The following FAM13C variants were observed in gnomAD, a reference collection of about 807,000 sequenced individuals.
FAM13C encodes protein FAM13C.
A neutral mutation model predicts 73.2 loss-of-function variants in FAM13C; 37 were observed. That is an observed-to-expected ratio of 0.51 (90% confidence interval 0.39 to 0.67). The LOEUF (loss-of-function observed/expected upper bound fraction) is 0.67, where lower values mean the gene tolerates loss of function less well. Ranked by LOEUF, FAM13C falls within the 30% of genes least tolerant of loss-of-function variation. The pLI is 0.00. For missense variants in FAM13C, 589 were observed against 715.6 expected (o/e 0.82, Z 2.02); for synonymous variants, 246 against 260.9 (o/e 0.94, Z 0.55).
rs200842377 is a variant in FAM13C, at chr10:59,352,343, A to T, written c.251T>A (p.Met84Lys). The T allele has an allele frequency of 6.8e-6, 11 of 1,614,228 alleles. No individual in the cohort carries two copies. In the South Asian group the frequency reaches 1.2e-4, roughly 18 times the overall value. The change falls in exon 3 of 14, where the codon ATG (methionine) becomes AAG (lysine). Residue 84 changes from methionine to lysine, a missense_variant. Met to Lys is a moderately conservative substitution (Grantham distance 95). Transcript: ENST00000618804. ...VLVDSVLRPSMGNFKSRKPKS... is the reference protein window; with the variant it reads ...VLVDSVLRPSKGNFKSRKPKS... ...GGGCTTCCTGGACTTGAAGTTGCCC[A>T]TGCTGGGTCGCAATACGCTGTCCAC...
chr10:59,317,938 C>T (rs530861194), intron 4 of FAM13C, among the ~76,000 whole-genome samples: 2 of 150,906 alleles, frequency 1.3e-5, no homozygotes, highest in South Asian at 4.2e-4. Context: ...TGTTCCCCTT[C>T]CTGTGTCCAT....
rs149936364 is a variant in FAM13C at position 59,323,990 on chromosome 10, T to G, written c.441A>C (p.Pro147=). ...FKCQETVRLQ[P]RIDQRTAISP... ...GCTTCTGATAACAAAGGGCCCACCTTGGTTGAAGTCGCACTGTTTCTTGGC... is the reference window on the plus strand; with the variant it reads ...GCTTCTGATAACAAAGGGCCCACCTGGGTTGAAGTCGCACTGTTTCTTGGC... Residue 147 remains proline, a splice_region_variant and synonymous_variant, in exon 4 of 14, where the codon CCA becomes CCC. Coordinates refer to ENST00000618804, the MANE Select transcript of FAM13C (RefSeq NM_198215.4). 5,771 of 1,613,372 alleles carry G rather than the reference T, an allele frequency of 3.6e-3. 24 individuals are homozygous for G. The highest frequency in any genetic ancestry group is 0.011 in the Middle Eastern group (68 of 6,060).
Position 59,354,067 on chromosome 10 carries a change from C to T in FAM13C, c.120-1593G>A, listed in dbSNP as rs564971509. ...GAGAAACAAAAGAAAGAACAGCTGC[C>T]TTTACAGTTACCTAAATGCCCTCAT... On this transcript the variant is annotated intron_variant, in intron 2 of 13. Transcript: ENST00000618804. 3.9e-5 allele frequency among the ~76,000 whole-genome samples: 6 copies of T among 152,270 alleles called. No homozygotes were observed. The East Asian group carries it at 1.2e-3, about 29-fold the overall frequency.
At position 59,262,497 on chromosome 10, in the gene FAM13C, T is replaced by A. The variant is rs745550781; in HGVS notation, c.1173A>T (p.Pro391=). Residue 391 remains proline (P), a synonymous_variant, in exon 10 of 14, where the codon CCA becomes CCT. Coordinates refer to ENST00000618804, the MANE Select transcript of FAM13C (RefSeq NM_198215.4). ...CCTTCAGGCATGTCAAGGCAGCATCTGGAGTCTCTTCTCCAGAGGAGCTTG... is the reference window on the plus strand; with the variant it reads ...CCTTCAGGCATGTCAAGGCAGCATCAGGAGTCTCTTCTCCAGAGGAGCTTG... ...PEPSSSGEET[P]DAALTCLKER... The A allele has an allele frequency of 1.2e-6, 2 of 1,613,772 alleles. No homozygotes were observed. Among genetic ancestry groups the A allele is most frequent in the African/African-American group, 2.7e-5 (2 of 75,008 alleles).
At chr10:59,275,208 T>C (rs1844192500) in intron 6 of FAM13C, among the ~76,000 whole-genome samples, 1 of 152,184 alleles carries the variant, frequency 6.6e-6, no homozygotes, top group African/African-American at 2.4e-5. Flanking sequence ...GGGCGGTACC[T>C]TTACTAGTCT....
chr10:59,290,822 G>T (rs562415927), intron 5 of FAM13C, among the ~76,000 whole-genome samples: 1 of 152,214 alleles, frequency 6.6e-6, no homozygotes, highest in African/African-American at 2.4e-5. Flanking sequence ...GGCTGCCATT[G>T]TATCTGAGTT....
intron 1 of FAM13C, 87 bp downstream of exon 1, chr10:59,362,312 C>CG (rs1856513563): frequency 1.3e-6 from 2 of 1,533,436 alleles, no homozygotes; most frequent in African/African-American, 1.4e-5. Flanking sequence ...AAACGAACAG[C>CG]GGCTGGGAAC....
At chr10:59,323,936 T>G in intron 4 of FAM13C, 52 bp downstream of exon 4, 1 of 1,403,214 alleles carries the variant, frequency 7.1e-7, no homozygotes, top group Non-Finnish European at 1.0e-6. Context: ...ACACAGCATT[T>G]CTGAGAAAGG....
intron 11 of FAM13C, among the ~76,000 whole-genome samples, 171 bp from the exon 12 acceptor site, chr10:59,253,169 A>G (rs1473864664): frequency 6.6e-6 from 1 of 152,214 alleles, no homozygotes; most frequent in African/African-American, 2.4e-5. Flanking sequence ...CCGCAGTTTC[A>G]TTAAAAACCT....
chr10:59,290,853 G>C (rs1176827962), intron 5 of FAM13C, among the ~76,000 whole-genome samples: 1 of 152,144 alleles, frequency 6.6e-6, no homozygotes, highest in African/African-American at 2.4e-5. Flanking sequence ...GGGTCCTTTA[G>C]CCAGTATTTG....
At chr10:59,269,451 T>C (rs1488391029) in intron 7 of FAM13C, among the ~76,000 whole-genome samples, 6 of 121,560 alleles carry the variant, frequency 4.9e-5, no homozygotes, top group Admixed American at 3.1e-4. Context: ...CACACACACA[T>C]TATTTGGATG....
At chr10:59,268,719 A>G (rs1843363284) in intron 7 of FAM13C, 28 bp from the exon 8 acceptor site, 2 of 1,601,590 alleles carry the variant, frequency 1.2e-6, no homozygotes, top group Non-Finnish European at 1.7e-6. Context: ...AGGAAGGAGT[A>G]TCAAAAACAG....
At chr10:59,310,617 T>A in intron 4 of FAM13C, among the ~76,000 whole-genome samples, 1 of 151,444 alleles carries the variant, frequency 6.6e-6, no homozygotes, top group East Asian at 1.9e-4. Flanking sequence ...GAGAGACTAC[T>A]GAAAGAAAAC....
rs562956654 is a variant in FAM13C, at chr10:59,303,887, T to C, written c.444-1023A>G. Reference sequence around the variant, plus strand: ...CTGTTCGGCCAGGCGCGGTGGCTCATGCCTGTAATCCCAGCACTTTGGGAG... The same window carrying C: ...CTGTTCGGCCAGGCGCGGTGGCTCACGCCTGTAATCCCAGCACTTTGGGAG... On this transcript the variant is annotated intron_variant, in intron 4 of 13. Coordinates refer to ENST00000618804, the MANE Select transcript of FAM13C (RefSeq NM_198215.4). Among the ~76,000 whole-genome samples, 355 of 152,306 alleles carry C rather than the reference T, an allele frequency of 2.3e-3. 1 individual carries two copies. Among genetic ancestry groups the C allele is most frequent in the African/African-American group, 7.9e-3 (328 of 41,566 alleles).
rs138224356 is a variant in FAM13C, at chr10:59,289,287, G to A, written c.508-5840C>T. On this transcript the variant is annotated intron_variant, in intron 5 of 13. Coordinates refer to ENST00000618804, the MANE Select transcript of FAM13C (RefSeq NM_198215.4). The stretch of plus-strand genomic sequence containing the variant: ...CATCTTCTCGGGCCGTGCAGCCCAG[G>A]TCCTAACAGGCTACAGGCCGGTACT... Among the ~76,000 whole-genome samples, 548 of 152,274 alleles carry A rather than the reference G, an allele frequency of 3.6e-3. 4 individuals carry two copies. The highest frequency in any genetic ancestry group is 0.013 in the African/African-American group (522 of 41,550).
intron 3 of FAM13C, among the ~76,000 whole-genome samples, chr10:59,348,936 A>G (rs1854666692): frequency 6.6e-6 from 1 of 152,208 alleles, no homozygotes; most frequent in African/African-American, 2.4e-5. Flanking sequence ...GCCCAGCTGA[A>G]TCTTTTAAGA....
intron 5 of FAM13C, among the ~76,000 whole-genome samples, chr10:59,283,942 T>G (rs1253139451): frequency 6.6e-6 from 1 of 152,120 alleles, no homozygotes; most frequent in Non-Finnish European, 1.5e-5. Context: ...TGCAGCAAAC[T>G]GCAGTGCACA....
chr10:59,357,810 T>G (rs897614572), intron 1 of FAM13C, among the ~76,000 whole-genome samples: 1 of 152,202 alleles, frequency 6.6e-6, no homozygotes, highest in African/African-American at 2.4e-5. Flanking sequence ...AAGATCTGAA[T>G]CCTGCCCTAA....
chr10:59,302,666 ATAAG>A (rs1847735000), intron 5 of FAM13C, 131 bp downstream of exon 5: 1 of 735,386 alleles, frequency 1.4e-6, no homozygotes, highest in Non-Finnish European at 2.3e-6. Flanking sequence ...ACAAAGAACT[ATAAG>A]TATTACAAGT....
Sources: allele counts gnomAD v4.1 joint callset (sites outside exome capture counted in the v4.1 genomes callset), GRCh38; gene constraint gnomAD v4.1.1; transcripts MANE v1.5; gene names NCBI Gene and HGNC (gene_info 2026-07-23, HGNC 2026-07-21).